PTGER3: variants seen among roughly 807,000 people sequenced by gnomAD.
The protein encoded by PTGER3 is prostaglandin E receptor 3.
In PTGER3, 22 loss-of-function variants were observed where a neutral mutation model predicts 34.7. That is an observed-to-expected ratio of 0.63 (90% CI 0.45 to 0.91). PTGER3 has a LOEUF of 0.91. PTGER3 is among the 40% of genes least tolerant of loss of function. The pLI is 0.00. For missense variants in PTGER3, 468 were observed against 519.4 expected (o/e 0.90, Z 0.96); for synonymous variants, 241 against 230.1 (o/e 1.05, Z -0.43).
intron 1 of PTGER3, among the ~76,000 whole-genome samples, chr1:71,015,919 T>C (rs1350385852): frequency 6.6e-6 from 1 of 152,206 alleles, no homozygotes; most frequent in Non-Finnish European, 1.5e-5. Context: ...GGCAAACTCA[T>C]GCTCTGGGGC....
intron 2 of PTGER3, among the ~76,000 whole-genome samples, chr1:70,961,278 C>T (rs764089179): frequency 6.6e-6 from 1 of 152,210 alleles, no homozygotes; most frequent in Non-Finnish European, 1.5e-5. Context: ...GAAAATGCTA[C>T]ACCAAATCTC....
chr1:71,028,664 C>T (rs544089232), intron 1 of PTGER3, among the ~76,000 whole-genome samples: 2 of 152,048 alleles, frequency 1.3e-5, no homozygotes, highest in African/African-American at 2.4e-5. Flanking sequence ...TCATTTTTTC[C>T]GTCTTTAAAC....
chr1:70,866,101 T>C (rs1646036689), intron 4 of PTGER3, among the ~76,000 whole-genome samples: 1 of 152,158 alleles, frequency 6.6e-6, no homozygotes, highest in African/African-American at 2.4e-5. Context: ...TTCATATCTT[T>C]CTGTCTGAAC....
intron 1 of PTGER3, among the ~76,000 whole-genome samples, chr1:71,026,682 T>C (rs1245415465): frequency 2.0e-5 from 3 of 151,644 alleles, no homozygotes; most frequent in Non-Finnish European, 4.4e-5. Context: ...ATATTATTAT[T>C]TACTTTGCTG....
chr1:70,883,142 A>G (rs1005168836), intron 4 of PTGER3, among the ~76,000 whole-genome samples: 8 of 152,242 alleles, frequency 5.3e-5, no homozygotes, highest in Admixed American at 2.0e-4. Flanking sequence ...GTAACTTGAC[A>G]GAGGTCATAC....
At chr1:70,921,552 C>T (rs1337257864) in intron 4 of PTGER3, among the ~76,000 whole-genome samples, 1 of 151,994 alleles carries the variant, frequency 6.6e-6, no homozygotes, top group Non-Finnish European at 1.5e-5. Flanking sequence ...TAAGGCATAC[C>T]TCAGAACAGA....
intron 2 of PTGER3, chr1:71,011,940 TA>T: frequency 8.1e-7 from 1 of 1,241,318 alleles, no homozygotes; most frequent in Non-Finnish European, 1.0e-6. Flanking sequence ...AGATCATTTA[TA>T]AAAAATGTTT....
chr1:71,011,923 T>C (rs1460769510), intron 2 of PTGER3: 1 of 1,192,440 alleles, frequency 8.4e-7, no homozygotes, highest in South Asian at 2.1e-5. Context: ...CGCTCCCCAA[T>C]AGACCAAGAT....
At chr1:70,874,079 A>G (rs1217967146) in intron 4 of PTGER3, among the ~76,000 whole-genome samples, 1 of 152,208 alleles carries the variant, frequency 6.6e-6, no homozygotes, top group Non-Finnish European at 1.5e-5. Context: ...TACAAATACC[A>G]AAAAACAAAC....
At chr1:70,913,944 T>A (rs1281770704) in intron 4 of PTGER3, among the ~76,000 whole-genome samples, 1 of 151,912 alleles carries the variant, frequency 6.6e-6, no homozygotes, top group African/African-American at 2.4e-5. Flanking sequence ...TCTTGTAACG[T>A]CTTTTTTGAG....
intron 1 of PTGER3, among the ~76,000 whole-genome samples, chr1:71,023,160 C>T (rs1167791809): frequency 1.3e-5 from 2 of 151,850 alleles, no homozygotes; most frequent in African/African-American, 4.9e-5. Context: ...TGCAGCCTGA[C>T]CTCTGTGTTC....
chr1:70,897,155 T>G (rs965888178), intron 4 of PTGER3, among the ~76,000 whole-genome samples: 3 of 152,108 alleles, frequency 2.0e-5, no homozygotes, highest in Admixed American at 1.3e-4. Context: ...CCCCTTTCCT[T>G]TGTCCTCCCA....
intron 2 of PTGER3, among the ~76,000 whole-genome samples, chr1:70,977,061 G>A (rs189256040): frequency 6.6e-6 from 1 of 152,206 alleles, no homozygotes; most frequent in East Asian, 1.9e-4. Flanking sequence ...TGTGTTACAG[G>A]ATATTTTAAA....
At chr1:70,920,107 A>G (rs1316361468) in intron 4 of PTGER3, among the ~76,000 whole-genome samples, 1 of 152,138 alleles carries the variant, frequency 6.6e-6, no homozygotes, top group East Asian at 1.9e-4. Flanking sequence ...AGTTGTCTCA[A>G]TTTGTCTGAT....
chr1:71,031,471 G>A (rs1659411800), intron 1 of PTGER3, among the ~76,000 whole-genome samples: 1 of 152,112 alleles, frequency 6.6e-6, no homozygotes. Context: ...CATAAACCAA[G>A]TGCTGGAGGT....
chr1:71,011,288 G>A (rs1657421861), intron 2 of PTGER3: 4 of 984,876 alleles, frequency 4.1e-6, no homozygotes, highest in Non-Finnish European at 3.6e-6. Flanking sequence ...ATATAAATAG[G>A]CCAAAATATG....
Position 70,952,746 on chromosome 1 carries a change from C to A in PTGER3, c.*161G>T, listed in dbSNP as rs1274796624. On this transcript the variant is annotated 3_prime_UTR_variant, in exon 4 of 4. Coordinates refer to the PTGER3 transcript ENST00000356595. ...TTGTTCAGCTTTGCTAAAAATATGCCCATGTTTGCCCAAATGACCTGGCTT... is the reference window on the plus strand; with the variant it reads ...TTGTTCAGCTTTGCTAAAAATATGCACATGTTTGCCCAAATGACCTGGCTT... The A allele has an allele frequency of 6.2e-6, 8 of 1,281,710 alleles. 1 individual carries two copies. The highest frequency in any genetic ancestry group is 7.9e-6 in the Non-Finnish European group (8 of 1,010,354). 79.4% of individuals were successfully genotyped at this position (1,281,710 alleles called of 1,614,324 possible). A position where few individuals can be genotyped will look rare whatever the true frequency, so the allele number is the denominator to read the frequency against.
intron 4 of PTGER3, among the ~76,000 whole-genome samples, chr1:70,893,349 T>C (rs1043358508): frequency 3.3e-5 from 5 of 152,206 alleles, no homozygotes; most frequent in Non-Finnish European, 7.3e-5. Flanking sequence ...TAGAACAGCC[T>C]GCTGCCTCCT....
chr1:70,990,335 C>T (rs142518525), intron 2 of PTGER3, among the ~76,000 whole-genome samples: 8,433 of 138,608 alleles, frequency 0.061, 443 homozygotes, highest in African/African-American at 0.14. Flanking sequence ...CCAGCCTGGG[C>T]GACAGAACGA....
Sources: allele counts gnomAD v4.1 joint callset (sites outside exome capture counted in the v4.1 genomes callset), GRCh38; gene constraint gnomAD v4.1.1; transcripts MANE v1.5; gene names NCBI Gene and HGNC (gene_info 2026-07-23, HGNC 2026-07-21).